Variants in TENM3 observed in about 807,000 individuals in gnomAD.
The protein encoded by TENM3 is teneurin-3.
Under a neutral mutation model 255.1 loss-of-function variants are expected in TENM3, and 63 were observed. The observed-to-expected ratio is 0.25, with a 90% confidence interval of 0.20 to 0.30. The LOEUF is 0.30. TENM3 is among the 10% of genes least tolerant of loss of function. The pLI is 1.00. For synonymous variants in TENM3, 1,306 were observed against 1,322.3 expected (o/e 0.99, Z 0.27); for missense variants, 2,929 against 3,461.1 (o/e 0.85, Z 3.86).
At chr4:181,892,103 T>C in the TENM3 span, among the ~76,000 whole-genome samples, 1 of 152,148 alleles carries the variant, frequency 6.6e-6, no homozygotes, top group South Asian at 2.1e-4. Context: ...CTGTGAAAAA[T>C]AAATTTCTAT....
the TENM3 span, among the ~76,000 whole-genome samples, chr4:181,481,415 AG>A: frequency 6.6e-6 from 1 of 152,110 alleles, no homozygotes; most frequent in South Asian, 2.1e-4. Context: ...TTCATATATG[AG>A]GGTATTTAAG....
chr4:181,838,156 GAAAGAAAGAAAGAAA>G, the TENM3 span, among the ~76,000 whole-genome samples: 1 of 149,268 alleles, frequency 6.7e-6, no homozygotes, highest in Admixed American at 6.7e-5. Context: ...AAAAAAGAAA[GAAAGAAAGAAAGAAA>G]AGAGAAAGAA....
the TENM3 span, among the ~76,000 whole-genome samples, chr4:181,698,245 C>A: frequency 1.3e-5 from 2 of 151,484 alleles, no homozygotes; most frequent in African/African-American, 2.4e-5. Flanking sequence ...AAATGTATTA[C>A]GTCTTCCTCT....
intron 1 of TENM3, among the ~76,000 whole-genome samples, chr4:182,170,216 G>C (rs1032424055): frequency 2.0e-5 from 3 of 151,968 alleles, no homozygotes; most frequent in South Asian, 2.1e-4. Context: ...TTGGCAATTT[G>C]TATGTCGGTA....
At chr4:181,457,116 C>G in the TENM3 span, among the ~76,000 whole-genome samples, 2 of 151,600 alleles carry the variant, frequency 1.3e-5, no homozygotes, top group Non-Finnish European at 1.5e-5. Flanking sequence ...TAAATCAAAC[C>G]TAATAGGGAG....
intron 3 of TENM3, among the ~76,000 whole-genome samples, chr4:182,411,366 C>T (rs1198654473): frequency 6.6e-6 from 1 of 152,216 alleles, no homozygotes; most frequent in South Asian, 2.1e-4. Context: ...CTGATTGTTG[C>T]ATTAAATGCC....
At chr4:181,512,089 C>T in the TENM3 span, among the ~76,000 whole-genome samples, 3 of 152,144 alleles carry the variant, frequency 2.0e-5, no homozygotes, top group Non-Finnish European at 4.4e-5. Context: ...TTCTTCATTG[C>T]TCACTACTGG....
At chr4:182,331,961 G>A (rs1763786990) in intron 2 of TENM3, among the ~76,000 whole-genome samples, 1 of 152,074 alleles carries the variant, frequency 6.6e-6, no homozygotes, top group Admixed American at 6.6e-5. Flanking sequence ...ACAAAAATAA[G>A]ACAGCAATTA....
At chr4:182,702,374 AC>A (rs1050080997) in intron 12 of TENM3, among the ~76,000 whole-genome samples, 2 of 152,108 alleles carry the variant, frequency 1.3e-5, no homozygotes, top group African/African-American at 4.8e-5. Context: ...AGCAGAATGG[AC>A]CCTGGGGCTT....
chr4:182,777,715 GC>G (rs1764809639), intron 24 of TENM3, among the ~76,000 whole-genome samples: 1 of 150,544 alleles, frequency 6.6e-6, no homozygotes, highest in East Asian at 1.9e-4. Context: ...ACGCCACCAT[GC>G]CCGGCTAATT....
In TENM3 at chr4:182,430,773, G is replaced by A. The variant is rs572178079; in HGVS notation, c.511+83844G>A. 2.0e-5 allele frequency among the ~76,000 whole-genome samples: 3 copies of A among 152,204 alleles called. No individual in the cohort carries two copies. In the South Asian group the frequency reaches 6.2e-4, roughly 32 times the overall value. ...CACGCCTGTAATCCCAGCACTGCAG[G>A]AGCCGAGGCGGGCGGATCACCTGAG... On this transcript the variant is annotated intron_variant, in intron 3 of 27. Transcript: ENST00000511685.
chr4:181,834,203 T>A, the TENM3 span, among the ~76,000 whole-genome samples: 1 of 152,046 alleles, frequency 6.6e-6, no homozygotes, highest in African/African-American at 2.4e-5. Context: ...TGGTGGTTGC[T>A]TGACAACTTC....
chr4:182,200,525 G>A (rs1189232137), intron 1 of TENM3, among the ~76,000 whole-genome samples: 1 of 152,110 alleles, frequency 6.6e-6, no homozygotes, highest in Non-Finnish European at 1.5e-5. Flanking sequence ...CCTTTTAATG[G>A]GAAATATGTA....
At chr4:182,797,963 G>GTA (rs1220210147) in intron 27 of TENM3, among the ~76,000 whole-genome samples, 1 of 152,194 alleles carries the variant, frequency 6.6e-6, no homozygotes, top group Non-Finnish European at 1.5e-5. Flanking sequence ...ATATAGTCGT[G>GTA]TGTGTGCAAC....
At chr4:182,770,477 G>T (rs112148591) in intron 22 of TENM3, among the ~76,000 whole-genome samples, 2,315 of 152,102 alleles carry the variant, frequency 0.015, 38 homozygotes, top group South Asian at 0.08. Context: ...AGCCCCACCC[G>T]GGCCCCTGCC....
chr4:182,422,105 A>G (rs527374606), intron 3 of TENM3, among the ~76,000 whole-genome samples: 20 of 152,340 alleles, frequency 1.3e-4, no homozygotes, highest in African/African-American at 3.6e-4. Context: ...ACTATTTGTA[A>G]TGTAAATGTG....
intron 2 of TENM3, among the ~76,000 whole-genome samples, chr4:182,345,409 C>T (rs1318215414): frequency 6.6e-6 from 1 of 152,054 alleles, no homozygotes; most frequent in East Asian, 1.9e-4. Context: ...TTAAAATGTT[C>T]ACAGATTTAA....
chr4:181,743,018 A>G, the TENM3 span, among the ~76,000 whole-genome samples: 15 of 151,886 alleles, frequency 9.9e-5, no homozygotes, highest in African/African-American at 2.7e-4. Flanking sequence ...ATCATTTTTT[A>G]TGGCTGCATA....
the TENM3 span, among the ~76,000 whole-genome samples, chr4:181,822,621 C>T: frequency 6.6e-6 from 1 of 152,154 alleles, no homozygotes; most frequent in Non-Finnish European, 1.5e-5. Context: ...TTTCACTTTT[C>T]CACTAATGCT....
Sources: allele counts gnomAD v4.1 joint callset (sites outside exome capture counted in the v4.1 genomes callset), GRCh38; gene constraint gnomAD v4.1.1; transcripts MANE v1.5; gene names NCBI Gene and HGNC (gene_info 2026-07-23, HGNC 2026-07-21).